PEX5L: variants seen among roughly 807,000 people sequenced by gnomAD.
PEX5L encodes the protein PEX5-related protein.
A neutral mutation model predicts 84.0 loss-of-function variants in PEX5L; 30 were observed. The ratio of observed to expected loss-of-function variants is 0.36; its 90% CI spans 0.27 to 0.48. The LOEUF is 0.48. PEX5L is among the 20% of genes least tolerant of loss of function. PEX5L has a pLI of 0.99. For missense variants in PEX5L, 533 were observed against 754.6 expected, an observed-to-expected ratio of 0.71 and a Z score of 3.44; for synonymous variants, 270 against 283.1, an observed-to-expected ratio of 0.95 and a Z score of 0.46.
At chr3:179,885,610 C>T (rs1445325131) in intron 4 of PEX5L, among the ~76,000 whole-genome samples, 1 of 150,846 alleles carries the variant, frequency 6.6e-6, no homozygotes, top group Non-Finnish European at 1.5e-5. Context: ...CGTGCCACTG[C>T]ACTCCAGCCT....
intron 1 of PEX5L, among the ~76,000 whole-genome samples, chr3:180,024,159 C>T (rs1790686812): frequency 6.6e-6 from 1 of 151,592 alleles, no homozygotes; most frequent in African/African-American, 2.4e-5. Flanking sequence ...TTAGAAAGAC[C>T]TCTGTGTTGA....
intron 8 of PEX5L, among the ~76,000 whole-genome samples, chr3:179,821,941 A>G (rs1728671030): frequency 6.6e-6 from 1 of 152,260 alleles, no homozygotes; most frequent in Non-Finnish European, 1.5e-5. Context: ...TATGATGAGC[A>G]TACTTTGCTT....
At chr3:179,913,548 T>G (rs143734070) in intron 2 of PEX5L, among the ~76,000 whole-genome samples, 1 of 152,128 alleles carries the variant, frequency 6.6e-6, no homozygotes, top group South Asian at 2.1e-4. Context: ...CTTAAAACAA[T>G]TTGCTCAGTA....
intron 2 of PEX5L, among the ~76,000 whole-genome samples, chr3:179,925,291 G>A (rs1771098149): frequency 1.3e-5 from 2 of 151,926 alleles, no homozygotes; most frequent in African/African-American, 4.8e-5. Context: ...TCTTCCTCAC[G>A]CCCCTACTCC....
At chr3:179,811,057 A>G (rs1455293719) in intron 11 of PEX5L, among the ~76,000 whole-genome samples, 2 of 152,152 alleles carry the variant, frequency 1.3e-5, no homozygotes, top group Non-Finnish European at 2.9e-5. Context: ...TTCATCAAAT[A>G]CCAACAGAAT....
At chr3:179,902,495 C>G (rs1761738167) in intron 2 of PEX5L, among the ~76,000 whole-genome samples, 1 of 152,216 alleles carries the variant, frequency 6.6e-6, no homozygotes. Flanking sequence ...ACGTTTCTAA[C>G]AAAATGCTTT....
intron 2 of PEX5L, among the ~76,000 whole-genome samples, chr3:179,952,185 T>A (rs1320986774): frequency 6.6e-6 from 1 of 152,190 alleles, no homozygotes; most frequent in Non-Finnish European, 1.5e-5. Context: ...CTGCATTTAA[T>A]CCGGATTCTG....
chr3:180,029,409 G>T (rs1459267730), intron 1 of PEX5L, among the ~76,000 whole-genome samples: 2 of 151,980 alleles, frequency 1.3e-5, no homozygotes, highest in Non-Finnish European at 2.9e-5. Flanking sequence ...ATAAAACTAT[G>T]TATTTATTTA....
chr3:179,872,508 C>T (rs1750722867), intron 7 of PEX5L, among the ~76,000 whole-genome samples: 1 of 152,106 alleles, frequency 6.6e-6, no homozygotes. Flanking sequence ...GTTTTGGAGA[C>T]AATATAGAAA....
At chr3:180,036,511 C>G in intron 1 of PEX5L, 68 bp downstream of exon 1, 1 of 1,475,984 alleles carries the variant, frequency 6.8e-7, no homozygotes, top group South Asian at 1.1e-5. Flanking sequence ...ACCACAGAAA[C>G]TTGGTGAACC....
chr3:179,858,273 T>A (rs1436567416), intron 8 of PEX5L, among the ~76,000 whole-genome samples: 1 of 152,124 alleles, frequency 6.6e-6, no homozygotes, highest in Non-Finnish European at 1.5e-5. Context: ...AGCTCCACAC[T>A]CAAATAGCAA....
intron 1 of PEX5L, 50 bp from the exon 2 acceptor site, chr3:179,971,715 A>G: frequency 6.8e-7 from 1 of 1,475,516 alleles, no homozygotes; most frequent in South Asian, 1.3e-5. Flanking sequence ...TCCATTAACA[A>G]TCTTAATTCT....
intron 8 of PEX5L, among the ~76,000 whole-genome samples, chr3:179,831,689 A>G (rs1163815445): frequency 6.6e-6 from 1 of 152,220 alleles, no homozygotes; most frequent in Non-Finnish European, 1.5e-5. Flanking sequence ...TTAGGAGTTC[A>G]GGAGTCTTCT....
At chr3:179,915,546 A>G (rs1209330303) in intron 2 of PEX5L, among the ~76,000 whole-genome samples, 2 of 152,240 alleles carry the variant, frequency 1.3e-5, no homozygotes, top group African/African-American at 4.8e-5. Flanking sequence ...GAAAAAGTTG[A>G]AAATTGCAGT....
intron 2 of PEX5L, among the ~76,000 whole-genome samples, chr3:179,907,320 C>G (rs953983296): frequency 6.6e-6 from 1 of 150,494 alleles, no homozygotes; most frequent in African/African-American, 2.4e-5. Flanking sequence ...CCTTTTTTTT[C>G]TTTGTTTTAG....
At chr3:179,803,060 T>TA (rs1719720053) in intron 14 of PEX5L, among the ~76,000 whole-genome samples, 1 of 152,232 alleles carries the variant, frequency 6.6e-6, no homozygotes, top group South Asian at 2.1e-4. Context: ...ATAAAGCTAA[T>TA]ATGTTATTTG....
intron 2 of PEX5L, among the ~76,000 whole-genome samples, chr3:179,912,370 T>C (rs578036790): frequency 1.5e-4 from 23 of 152,244 alleles, no homozygotes; most frequent in African/African-American, 4.6e-4. Flanking sequence ...TAATGAATTA[T>C]GGCCTTTTGG....
At chr3:179,920,515 C>G (rs1768950082) in intron 2 of PEX5L, among the ~76,000 whole-genome samples, 1 of 152,114 alleles carries the variant, frequency 6.6e-6, no homozygotes, top group South Asian at 2.1e-4. Flanking sequence ...TAACAGATAA[C>G]CTGTTATATA....
rs780705295 is a variant in PEX5L at position 179,815,941 on chromosome 3, T to C, written c.1003A>G (p.Lys335Glu). The change falls in exon 10 of 15, where the codon AAA (lysine) becomes GAA (glutamate). Residue 335 changes from lysine to glutamate, a missense_variant. Around this residue, in one of 8 missense-constraint regions of PEX5L, gnomAD observed 58 missense variants for 56.4 expected, o/e 1.03. Transcript: ENST00000467460. ...GGCAGATCCCCTTCCTTCAGCCTTT[T>C]TAAGCCTTCTTCAAATGCTCCAGGC... ...DWPGAFEEGL[K>E]RLKEGDLPVT... The C allele has an allele frequency of 6.2e-7, 1 of 1,614,190 alleles. No homozygotes were observed. The highest frequency in any genetic ancestry group is 1.1e-5 in the South Asian group (1 of 91,078).
Sources: allele counts gnomAD v4.1 joint callset (sites outside exome capture counted in the v4.1 genomes callset), GRCh38; gene constraint gnomAD v4.1.1; regional missense constraint gnomAD v4.1.1; transcripts MANE v1.5; gene names NCBI Gene and HGNC (gene_info 2026-07-23, HGNC 2026-07-21).